Variants in DNAAF11 observed in about 807,000 individuals in gnomAD.
DNAAF11 encodes dynein axonemal assembly factor 11, also known as leucine rich repeat containing 6.
In DNAAF11, 45 loss-of-function variants were observed where a neutral mutation model predicts 60.8. The observed-to-expected ratio is 0.74, with a 90% confidence interval of 0.58 to 0.95. The LOEUF (loss-of-function observed/expected upper bound fraction) is 0.95. Among genes scored for constraint, DNAAF11 ranks in the 40% least tolerant of loss-of-function variants. DNAAF11 has a pLI of 0.00. For missense variants in DNAAF11, 546 were observed against 546.2 expected (o/e 1.00, Z 0.00); for synonymous variants, 191 against 183.5 (o/e 1.04, Z -0.33).
chr8:132,677,891 A>G (rs1825812598), upstream of DNAAF11, among the ~76,000 whole-genome samples: 1 of 152,186 alleles, frequency 6.6e-6, no homozygotes, highest in Non-Finnish European at 1.5e-5. Context: ...GGTGAACTCC[A>G]TTTGGCAATC....
chr8:132,607,789 G>A (rs1171986969), intron 10 of DNAAF11, among the ~76,000 whole-genome samples: 1 of 151,720 alleles, frequency 6.6e-6, no homozygotes, highest in Non-Finnish European at 1.5e-5. Context: ...CTCTCTTTAG[G>A]GCTAAATGAT....
intron 8 of DNAAF11, among the ~76,000 whole-genome samples, chr8:132,614,278 G>A (rs971119423): frequency 4.6e-5 from 7 of 152,180 alleles, no homozygotes; most frequent in East Asian, 1.9e-4. Context: ...CAAGGACACC[G>A]AGGGTGATAC....
intron 6 of DNAAF11, among the ~76,000 whole-genome samples, chr8:132,624,969 A>G (rs1820103938): frequency 6.6e-6 from 1 of 152,196 alleles, no homozygotes; most frequent in Non-Finnish European, 1.5e-5. Flanking sequence ...CTAGGCTAGA[A>G]ATACTAATGT....
At chr8:132,646,688 G>A (rs1205412442) in intron 3 of DNAAF11, among the ~76,000 whole-genome samples, 4 of 152,182 alleles carry the variant, frequency 2.6e-5, no homozygotes, top group Non-Finnish European at 5.9e-5. Context: ...AGCAAGGGTT[G>A]CAATCCTAGT....
intron 1 of DNAAF11, among the ~76,000 whole-genome samples, chr8:132,671,220 A>G (rs77221209): frequency 6.6e-6 from 1 of 152,206 alleles, no homozygotes; most frequent in Admixed American, 6.5e-5. Context: ...GAAAGTTTGA[A>G]AAGATTGCAG....
At chr8:132,675,556 C>T (rs1825719429), upstream of DNAAF11, 7 of 1,512,886 alleles carry the variant, frequency 4.6e-6, no homozygotes, top group East Asian at 2.5e-5. Context: ...GCTTTTCACC[C>T]TTCACCCCTG....
chr8:132,702,693 T>G, the DNAAF11 span, among the ~76,000 whole-genome samples: 1 of 152,188 alleles, frequency 6.6e-6, no homozygotes, highest in Non-Finnish European at 1.5e-5. Flanking sequence ...CTCATAAAAG[T>G]TAGACGAATT....
At chr8:132,676,796 G>T (rs1359172909), upstream of DNAAF11, among the ~76,000 whole-genome samples, 1 of 152,100 alleles carries the variant, frequency 6.6e-6, no homozygotes, top group East Asian at 1.9e-4. Flanking sequence ...CGGGGGTAAT[G>T]GGGGCCTTAA....
intron 3 of DNAAF11, among the ~76,000 whole-genome samples, chr8:132,641,806 T>C (rs1325677146): frequency 6.6e-6 from 1 of 152,210 alleles, no homozygotes; most frequent in East Asian, 1.9e-4. Flanking sequence ...AGACTCAATG[T>C]AGAAAAATGG....
At chr8:132,586,293 T>G (rs1163695872) in intron 10 of DNAAF11, among the ~76,000 whole-genome samples, 1 of 152,230 alleles carries the variant, frequency 6.6e-6, no homozygotes, top group Non-Finnish European at 1.5e-5. Context: ...TCAATAGGTC[T>G]GGTGGAAATG....
upstream of DNAAF11, among the ~76,000 whole-genome samples, chr8:132,678,532 A>T (rs1021915823): frequency 2.0e-5 from 3 of 152,068 alleles, no homozygotes; most frequent in Non-Finnish European, 4.4e-5. Context: ...TGTGTGCACC[A>T]TCATGCCTGG....
chr8:132,687,911 T>C, the DNAAF11 span, among the ~76,000 whole-genome samples: 1 of 152,186 alleles, frequency 6.6e-6, no homozygotes, highest in Non-Finnish European at 1.5e-5. Context: ...TTAAGCTAGA[T>C]ACAAATCATA....
chr8:132,590,576 T>C (rs577997043), intron 10 of DNAAF11, among the ~76,000 whole-genome samples: 3 of 152,228 alleles, frequency 2.0e-5, no homozygotes, highest in African/African-American at 4.8e-5. Flanking sequence ...TGATTTCTCA[T>C]TAGACACTTT....
chr8:132,682,968 C>T, the DNAAF11 span, among the ~76,000 whole-genome samples: 1 of 152,168 alleles, frequency 6.6e-6, no homozygotes, highest in Admixed American at 6.5e-5. Flanking sequence ...GTAAGGCACT[C>T]ATCTATTTAT....
At chr8:132,680,116 C>T (rs528441275), upstream of DNAAF11, among the ~76,000 whole-genome samples, 73 of 152,346 alleles carry the variant, frequency 4.8e-4, no homozygotes, top group South Asian at 0.015. Context: ...GTACAATGTG[C>T]TGTGATTGTC....
chr8:132,634,223 T>C (rs1205061352), intron 4 of DNAAF11, among the ~76,000 whole-genome samples: 1 of 152,224 alleles, frequency 6.6e-6, no homozygotes, highest in Non-Finnish European at 1.5e-5. Context: ...CTGAGCTTCT[T>C]GGCAGCCAAA....
chr8:132,612,806 A>G (rs1042904653), intron 8 of DNAAF11, among the ~76,000 whole-genome samples: 30 of 152,322 alleles, frequency 2.0e-4, no homozygotes, highest in South Asian at 4.1e-4. Context: ...AAAGATAACC[A>G]GGAATTATAG....
the DNAAF11 span, among the ~76,000 whole-genome samples, chr8:132,692,699 A>G: frequency 1.3e-5 from 2 of 152,188 alleles, no homozygotes; most frequent in Non-Finnish European, 2.9e-5. Flanking sequence ...CAGGTCTTCT[A>G]TCTCCAACCT....
chr8:132,603,025 G>A (rs1441044321), intron 10 of DNAAF11, among the ~76,000 whole-genome samples: 3 of 152,074 alleles, frequency 2.0e-5, no homozygotes, highest in South Asian at 2.1e-4. Context: ...AAGTGAGAGC[G>A]ATTTATTAGA....
Sources: allele counts gnomAD v4.1 joint callset (sites outside exome capture counted in the v4.1 genomes callset), GRCh38; gene constraint gnomAD v4.1.1; transcripts MANE v1.5; gene names NCBI Gene and HGNC (gene_info 2026-07-23, HGNC 2026-07-21).